Variants in FHIT observed in about 807,000 individuals in gnomAD.
FHIT encodes fragile histidine triad diadenosine triphosphatase.
A neutral mutation model predicts 17.9 loss-of-function variants in FHIT; 19 were observed. That is an observed-to-expected ratio of 1.06 (90% confidence interval 0.74 to 1.56). The LOEUF is 1.56. FHIT is among the 40% of genes most tolerant of loss of function. The pLI, the probability that FHIT is intolerant of heterozygous loss-of-function variation, is 0.00. For synonymous variants in FHIT, 81 were observed against 69.7 expected (o/e 1.16, Z -0.81); for missense variants, 248 against 189.2 (o/e 1.31, Z -1.82).
chr3:60,501,840 A>G (rs17609657), intron 5 of FHIT, among the ~76,000 whole-genome samples: 12,922 of 152,278 alleles, frequency 0.085, 682 homozygotes, highest in East Asian at 0.1. Flanking sequence ...ATTACTGTAT[A>G]TTACGTGCAT....
At chr3:60,250,962 G>C (rs1009689990) in intron 5 of FHIT, among the ~76,000 whole-genome samples, 2 of 152,164 alleles carry the variant, frequency 1.3e-5, no homozygotes, top group African/African-American at 4.8e-5. Flanking sequence ...AAAAACGAAA[G>C]AGGTGACATT....
At position 60,027,148 on chromosome 3, in the gene FHIT, C is replaced by CACACAA. The variant is rs1553654525; in HGVS notation, c.104-12997_104-12996insTTGTGT. ...ACACACACACACACACACACACACACAAAATTAGTAAACCCAATAATCCAC... is the reference window on the plus strand; with the variant it reads ...ACACACACACACACACACACACACACACACAAAAAATTAGTAAACCCAATAATCCAC... On this transcript the variant is annotated intron_variant, in intron 5 of 9. Coordinates refer to ENST00000492590, the MANE Select transcript of FHIT (RefSeq NM_002012.4). Among the ~76,000 whole-genome samples the CACACAA allele has an allele frequency of 8.5e-4, 107 of 125,842 alleles. 1 individual carries two copies. Among genetic ancestry groups the CACACAA allele is most frequent in the African/African-American group, 2.8e-3 (104 of 36,948 alleles). 82.6% of individuals were successfully genotyped at this position (125,842 alleles called of 152,430 possible). A position where few individuals can be genotyped will look rare whatever the true frequency, so the allele number is the denominator to read the frequency against.
Position 60,568,581 on chromosome 3 carries a change from C to T in FHIT, c.-17-31602G>A, listed in dbSNP as rs537269508. On this transcript the variant is annotated intron_variant, in intron 4 of 9. Coordinates refer to ENST00000492590, the MANE Select transcript of FHIT (RefSeq NM_002012.4). ...ATGTAACTAACCTGTACATTCTGCA[C>T]ATGTACCCTGAAACTTAAAGTATAA... Among the ~76,000 whole-genome samples the T allele has an allele frequency of 1.1e-3, 160 of 151,966 alleles. 5 individuals are homozygous for T. The South Asian group carries it at 0.033, about 31-fold the overall frequency.
intron 5 of FHIT, among the ~76,000 whole-genome samples, chr3:60,358,211 T>C (rs979530729): frequency 1.3e-5 from 2 of 152,218 alleles, no homozygotes; most frequent in Non-Finnish European, 2.9e-5. Context: ...TTAATACATA[T>C]TTGTGACATA....
At position 59,749,224 on chromosome 3, in the gene FHIT, C is replaced by T. The variant is rs773127906; in HGVS notation, c.*361G>A. ...GAAATAAGCAGGTGGACCAATCCAA[C>T]GATTGAATTTCCTTTAAAAAAGTAA... On this transcript the variant is annotated 3_prime_UTR_variant, in exon 10 of 10. Coordinates refer to ENST00000492590, the MANE Select transcript of FHIT (RefSeq NM_002012.4). The T allele has an allele frequency of 1.5e-4, 35 of 229,926 alleles. No homozygotes were observed. Among genetic ancestry groups the T allele is most frequent in the Non-Finnish European group, 2.7e-4 (31 of 116,114 alleles). The allele number at this position is 229,926 out of a possible 1,614,324, so 14.2% of individuals were successfully genotyped here. A position where few individuals can be genotyped will look rare whatever the true frequency, so the allele number is the denominator to read the frequency against.
intron 5 of FHIT, among the ~76,000 whole-genome samples, chr3:60,049,302 G>C (rs1250917248): frequency 2.6e-5 from 4 of 152,092 alleles, no homozygotes; most frequent in Non-Finnish European, 5.9e-5. Context: ...AAACATAGTA[G>C]CCACTAGCCA....
chr3:60,532,470 A>G (rs1312487299), intron 5 of FHIT, among the ~76,000 whole-genome samples: 1 of 152,248 alleles, frequency 6.6e-6, no homozygotes, highest in African/African-American at 2.4e-5. Context: ...TTAAGCCATG[A>G]ACAATAGCTG....
At chr3:61,053,079 G>A (rs1269868446) in intron 2 of FHIT, among the ~76,000 whole-genome samples, 1 of 152,140 alleles carries the variant, frequency 6.6e-6, no homozygotes, top group Non-Finnish European at 1.5e-5. Context: ...ACCAGGGAAT[G>A]AGGACTAGAA....
At position 59,793,003 on chromosome 3, in the gene FHIT, G is replaced by A. The variant is rs540635147; in HGVS notation, c.349-40682C>T. ...ACCTCCATCCGCCTGCACTGTGACT[G>A]CTTGTTTATTCCTTTTTCCAGGCTC... On this transcript the variant is annotated intron_variant, in intron 8 of 9. Transcript: ENST00000492590. Among the ~76,000 whole-genome samples, 11 of 152,022 alleles carry A rather than the reference G, an allele frequency of 7.2e-5. No homozygotes were observed. In the East Asian group the frequency reaches 2.1e-3, roughly 30 times the overall value.
chr3:60,271,065 G>T (rs1706841053), intron 5 of FHIT, among the ~76,000 whole-genome samples: 2 of 152,074 alleles, frequency 1.3e-5, no homozygotes, highest in Non-Finnish European at 2.9e-5. Flanking sequence ...TGCTATTTGG[G>T]GGCTAACTTC....
At chr3:60,953,547 T>C (rs1295367741) in intron 3 of FHIT, among the ~76,000 whole-genome samples, 2 of 152,176 alleles carry the variant, frequency 1.3e-5, no homozygotes, top group African/African-American at 4.8e-5. Flanking sequence ...AAGCCCTGAC[T>C]AATCGGAAAT....
chr3:60,140,242 C>T (rs1699983389), intron 5 of FHIT, among the ~76,000 whole-genome samples: 1 of 152,076 alleles, frequency 6.6e-6, no homozygotes, highest in Admixed American at 6.6e-5. Context: ...GTTAACTGAA[C>T]CACCATTCTC....
intron 3 of FHIT, among the ~76,000 whole-genome samples, chr3:60,851,934 G>C (rs1703171750): frequency 6.6e-6 from 1 of 152,118 alleles, no homozygotes. Context: ...ATTTCTATAA[G>C]TGTCACGATG....
rs1342277815 is a variant in FHIT, at chr3:60,682,064, C to T, written c.-18+139855G>A. The stretch of plus-strand genomic sequence containing the variant: ...TCAGCTCACTGCAACCTCTGCCTCC[C>T]GGGTTCAAGCAATTCTCCTGCCTCA... On this transcript the variant is annotated intron_variant, in intron 4 of 9. Transcript: ENST00000492590. Among the ~76,000 whole-genome samples the T allele has an allele frequency of 4.6e-5, 7 of 151,960 alleles. No individual in the cohort carries two copies. In the East Asian group the frequency reaches 5.8e-4, roughly 13 times the overall value.
intron 5 of FHIT, among the ~76,000 whole-genome samples, chr3:60,038,818 GAAC>G (rs1479830223): frequency 6.6e-6 from 1 of 152,080 alleles, no homozygotes; most frequent in Non-Finnish European, 1.5e-5. Context: ...AGCCAAAACT[GAAC>G]AACAATCAAA....
At chr3:59,935,229 T>C (rs1706175929) in intron 7 of FHIT, among the ~76,000 whole-genome samples, 1 of 152,194 alleles carries the variant, frequency 6.6e-6, no homozygotes, top group Non-Finnish European at 1.5e-5. Flanking sequence ...AAAATGACTT[T>C]TAGGAGATAC....
chr3:60,415,763 T>A (rs1240986706), intron 5 of FHIT, among the ~76,000 whole-genome samples: 2 of 150,616 alleles, frequency 1.3e-5, no homozygotes, highest in African/African-American at 4.9e-5. Context: ...CTATCATGGA[T>A]TAGCTATGTG....
intron 5 of FHIT, among the ~76,000 whole-genome samples, chr3:60,127,058 C>T (rs2107247058): frequency 6.6e-6 from 1 of 152,280 alleles, no homozygotes; most frequent in East Asian, 1.9e-4. Flanking sequence ...CTTTTCAGGC[C>T]TGCCTGGTGA....
At chr3:60,342,683 A>C (rs1339465625) in intron 5 of FHIT, among the ~76,000 whole-genome samples, 1 of 152,194 alleles carries the variant, frequency 6.6e-6, no homozygotes, top group Non-Finnish European at 1.5e-5. Context: ...GAGCCCAACA[A>C]GATTTTGGCT....
Sources: gnomAD v4.1 joint callset for allele counts (sites outside exome capture counted in the v4.1 genomes callset) on GRCh38, gnomAD v4.1.1 for gene constraint, MANE v1.5 for transcripts, NCBI Gene and HGNC (gene_info 2026-07-23, HGNC 2026-07-21) for gene names.